Variants in NGEF observed in about 807,000 individuals in gnomAD.
The protein encoded by NGEF is ephexin-1.
In NGEF, 31 loss-of-function variants were observed where a neutral mutation model predicts 80.9. The observed-to-expected ratio is 0.38, with a 90% confidence interval of 0.29 to 0.52. The LOEUF (loss-of-function observed/expected upper bound fraction) is 0.52. Among genes scored for constraint, NGEF ranks in the 20% least tolerant of loss-of-function variants. The probability of loss-of-function intolerance (pLI) is 0.84; values close to 1 mark genes in which losing one functional copy is unlikely to be tolerated. For synonymous variants in NGEF, 371 were observed against 370.2 expected (o/e 1.00, Z -0.03); for missense variants, 709 against 926.2 (o/e 0.77, Z 3.04).
intron 1 of NGEF, among the ~76,000 whole-genome samples, chr2:233,000,896 G>T (rs1694962822): frequency 6.6e-6 from 1 of 152,158 alleles, no homozygotes; most frequent in Non-Finnish European, 1.5e-5. Flanking sequence ...AACTGGAGAA[G>T]GAATGAAGGG....
chr2:232,995,369 A>G lies in NGEF; in HGVS notation c.-75+17699T>C, dbSNP rs1204727257. On this transcript the variant is annotated intron_variant, in intron 1 of 14. Transcript: ENST00000264051. ...ACAGTATGTATACTGTATACTGTAT[A>G]TATATACACAGTATGTATACTGTAT... Among the ~76,000 whole-genome samples the G allele has an allele frequency of 2.6e-4, 2 of 7,682 alleles. 1 individual carries two copies. Among genetic ancestry groups the G allele is most frequent in the Non-Finnish European group, 4.8e-4 (2 of 4,162 alleles). The allele number at this position is 7,682 out of a possible 152,430, so 5.0% of individuals were successfully genotyped here.
chr2:232,953,363 AAGAG>A (rs202019335), intron 3 of NGEF, among the ~76,000 whole-genome samples: 15 of 140,686 alleles, frequency 1.1e-4, no homozygotes, highest in East Asian at 2.1e-4. Context: ...GAAAGAAAGA[AAGAG>A]AGAGAGAGAA....
At chr2:232,928,124 A>AGCCGCC in intron 3 of NGEF, 7 of 1,003,278 alleles carry the variant, frequency 7.0e-6, no homozygotes, top group Non-Finnish European at 8.3e-6. Context: ...CCGGAGCTGC[A>AGCCGCC]GCCGCCGCCG....
intron 3 of NGEF, among the ~76,000 whole-genome samples, chr2:232,948,147 ATG>A (rs375640068): frequency 7.3e-4 from 104 of 141,648 alleles, no homozygotes; most frequent in Admixed American, 2.5e-3. Context: ...TAGCCTGGAG[ATG>A]TGTGTGTGTG....
intron 5 of NGEF, among the ~76,000 whole-genome samples, chr2:232,918,030 T>C (rs962189314): frequency 1.3e-5 from 2 of 152,214 alleles, no homozygotes; most frequent in African/African-American, 4.8e-5. Context: ...CTTGGCTCAC[T>C]GCAACCTCTG....
chr2:233,008,002 A>G (rs1344259357), intron 1 of NGEF, among the ~76,000 whole-genome samples: 1 of 152,218 alleles, frequency 6.6e-6, no homozygotes, highest in African/African-American at 2.4e-5. Flanking sequence ...AGAATCCACC[A>G]AGGAATGTTT....
intron 1 of NGEF, among the ~76,000 whole-genome samples, chr2:232,981,629 C>T (rs1694421627): frequency 6.6e-6 from 1 of 152,180 alleles, no homozygotes; most frequent in South Asian, 2.1e-4. Flanking sequence ...GCAAACCTCA[C>T]TTCAATCCCT....
intron 5 of NGEF, among the ~76,000 whole-genome samples, chr2:232,900,216 G>A (rs1222462405): frequency 8.9e-6 from 1 of 112,770 alleles, no homozygotes; most frequent in East Asian, 3.1e-4. Context: ...TCATATACAC[G>A]TTCACTCACA....
chr2:232,949,859 T>C (rs1693643934), intron 3 of NGEF, among the ~76,000 whole-genome samples: 1 of 151,842 alleles, frequency 6.6e-6, no homozygotes, highest in Admixed American at 6.6e-5. Flanking sequence ...TTGCCCAGGC[T>C]GGAGTGCAGT....
At chr2:232,928,149 C>T in intron 3 of NGEF, 3 of 987,320 alleles carry the variant, frequency 3.0e-6, no homozygotes, top group Non-Finnish European at 3.6e-6. Flanking sequence ...CGCTGCCGAG[C>T]ACTCCCGCGG....
At chr2:232,969,556 T>C (rs1011113111) in intron 3 of NGEF, among the ~76,000 whole-genome samples, 14 of 146,444 alleles carry the variant, frequency 9.6e-5, no homozygotes, top group Non-Finnish European at 1.8e-4. Flanking sequence ...TCACCAGGAT[T>C]GGAGTGCAGT....
intron 1 of NGEF, among the ~76,000 whole-genome samples, chr2:232,992,299 T>C (rs1694667124): frequency 6.6e-6 from 1 of 152,040 alleles, no homozygotes; most frequent in Admixed American, 6.5e-5. Context: ...AGCTCATGCC[T>C]GTAATCTCAG....
At chr2:232,928,973 A>G (rs1250188450) in intron 3 of NGEF, among the ~76,000 whole-genome samples, 1 of 152,048 alleles carries the variant, frequency 6.6e-6, no homozygotes, top group African/African-American at 2.4e-5. Context: ...CTCAGGGATC[A>G]TGCTGTCTGC....
intron 3 of NGEF, among the ~76,000 whole-genome samples, chr2:232,943,463 C>G (rs899399935): frequency 6.6e-6 from 1 of 151,908 alleles, no homozygotes; most frequent in Non-Finnish European, 1.5e-5. Flanking sequence ...CTGTCTCCAC[C>G]GACTGTATAG....
chr2:232,934,856 A>G (rs922758719), intron 3 of NGEF, among the ~76,000 whole-genome samples: 1 of 151,918 alleles, frequency 6.6e-6, no homozygotes, highest in African/African-American at 2.4e-5. Flanking sequence ...AAAAATGACA[A>G]AATTAGCCAG....
intron 11 of NGEF, among the ~76,000 whole-genome samples, 184 bp from the exon 12 acceptor site, chr2:232,883,650 G>A (rs542290031): frequency 5.4e-4 from 82 of 152,274 alleles, no homozygotes; most frequent in Non-Finnish European, 7.3e-4. Context: ...TCCCAGGTGC[G>A]GACAGTGAAC....
intron 5 of NGEF, among the ~76,000 whole-genome samples, chr2:232,897,985 C>T (rs1269117361): frequency 1.3e-5 from 2 of 152,258 alleles, no homozygotes; most frequent in Non-Finnish European, 2.9e-5. Flanking sequence ...CAGCAGCAGA[C>T]CTGCAGCCCA....
chr2:232,995,009 A>C (rs1418447494), intron 1 of NGEF, among the ~76,000 whole-genome samples: 1 of 35,942 alleles, frequency 2.8e-5, no homozygotes, highest in Non-Finnish European at 9.0e-5. Flanking sequence ...TATATGTATA[A>C]TACATATATG....
At chr2:232,923,181 T>C (rs992160894) in intron 4 of NGEF, among the ~76,000 whole-genome samples, 4 of 152,228 alleles carry the variant, frequency 2.6e-5, no homozygotes, top group African/African-American at 9.6e-5. Context: ...ATATGTCTTA[T>C]GTGTGCTATA....
Sources: gnomAD v4.1 joint callset for allele counts (sites outside exome capture counted in the v4.1 genomes callset) on GRCh38, gnomAD v4.1.1 for gene constraint, MANE v1.5 for transcripts, NCBI Gene and HGNC (gene_info 2026-07-23, HGNC 2026-07-21) for gene names.